RAB38: variants seen among roughly 807,000 people sequenced by gnomAD.
RAB38 encodes the protein RAB38, member RAS oncogene family.
In RAB38, 15 loss-of-function variants were observed where a neutral mutation model predicts 18.4. The observed-to-expected ratio is 0.82, with a 90% CI of 0.55 to 1.26. The LOEUF is 1.26. RAB38 is among the 50% of genes most tolerant of loss of function. The pLI is 0.00. For missense variants in RAB38, 294 were observed against 267.4 expected, an observed-to-expected ratio of 1.10 and a Z score of -0.69; for synonymous variants, 101 against 104.4, an observed-to-expected ratio of 0.97 and a Z score of 0.20.
chr11:88,119,762 A>G (rs1167421763), intron 2 of RAB38, among the ~76,000 whole-genome samples: 1 of 152,100 alleles, frequency 6.6e-6, no homozygotes, highest in Non-Finnish European at 1.5e-5. Context: ...TTCCAAATAC[A>G]TCAACCTCAA....
the RAB38 span, among the ~76,000 whole-genome samples, chr11:87,968,523 ATAG>A: frequency 6.6e-6 from 1 of 152,160 alleles, no homozygotes; most frequent in African/African-American, 2.4e-5. Flanking sequence ...GAACACAGAA[ATAG>A]TGGTGGTGAG....
chr11:88,054,767 G>C, the RAB38 span, among the ~76,000 whole-genome samples: 1 of 152,300 alleles, frequency 6.6e-6, no homozygotes, highest in Admixed American at 6.5e-5. Context: ...TCACATTTGA[G>C]GTGGGAACAG....
the RAB38 span, among the ~76,000 whole-genome samples, chr11:87,901,125 T>C: frequency 1.3e-5 from 2 of 151,558 alleles, no homozygotes; most frequent in Non-Finnish European, 3.0e-5. Flanking sequence ...ATGGAAGTGA[T>C]GTTAAAATTA....
At chr11:87,951,356 G>A in the RAB38 span, among the ~76,000 whole-genome samples, 14 of 152,048 alleles carry the variant, frequency 9.2e-5, 1 homozygote, top group East Asian at 1.9e-4. Flanking sequence ...CCTGTAGCTC[G>A]GAGTAGTTTG....
the RAB38 span, among the ~76,000 whole-genome samples, chr11:87,913,137 T>G: frequency 6.6e-6 from 1 of 152,092 alleles, no homozygotes; most frequent in East Asian, 1.9e-4. Context: ...ATGTTTCATG[T>G]GTACTTGAAA....
chr11:87,977,639 T>A, the RAB38 span, among the ~76,000 whole-genome samples: 2 of 118,336 alleles, frequency 1.7e-5, no homozygotes, highest in Non-Finnish European at 3.2e-5. Flanking sequence ...TATTATATAA[T>A]TATATAAATT....
At chr11:87,912,913 T>C in the RAB38 span, among the ~76,000 whole-genome samples, 2 of 151,782 alleles carry the variant, frequency 1.3e-5, no homozygotes, top group East Asian at 3.9e-4. Flanking sequence ...CTGGGATACA[T>C]GTAGGCACAT....
At chr11:87,865,741 T>C in the RAB38 span, among the ~76,000 whole-genome samples, 1 of 151,522 alleles carries the variant, frequency 6.6e-6, no homozygotes, top group South Asian at 2.1e-4. Flanking sequence ...AAGAGAGAGA[T>C]TGAGAAATTG....
the RAB38 span, among the ~76,000 whole-genome samples, chr11:87,859,533 C>A: frequency 5.9e-5 from 9 of 151,998 alleles, no homozygotes; most frequent in South Asian, 1.9e-3. Context: ...GCGCAATTTG[C>A]CAATATATAT....
the RAB38 span, among the ~76,000 whole-genome samples, chr11:87,807,798 G>C: frequency 6.6e-6 from 1 of 152,196 alleles, no homozygotes; most frequent in African/African-American, 2.4e-5. Flanking sequence ...TGTTATCTCT[G>C]AGGAGAGTAG....
At chr11:87,864,878 C>T in the RAB38 span, among the ~76,000 whole-genome samples, 1 of 151,766 alleles carries the variant, frequency 6.6e-6, no homozygotes, top group Non-Finnish European at 1.5e-5. Flanking sequence ...TTGCTCATCA[C>T]CTAAACAAAC....
the RAB38 span, among the ~76,000 whole-genome samples, chr11:87,941,944 T>C: frequency 2.0e-5 from 3 of 152,170 alleles, no homozygotes; most frequent in Non-Finnish European, 2.9e-5. Context: ...GAGTGCCTCA[T>C]TACCCCTGCC....
chr11:88,003,961 CTATA>C, the RAB38 span, among the ~76,000 whole-genome samples: 1 of 105,450 alleles, frequency 9.5e-6, no homozygotes, highest in African/African-American at 3.7e-5. Context: ...ATATATATAC[CTATA>C]TATAAAGGTA....
chr11:88,044,577 C>G, the RAB38 span, among the ~76,000 whole-genome samples: 335 of 152,300 alleles, frequency 2.2e-3, no homozygotes, highest in Non-Finnish European at 3.4e-3. Flanking sequence ...GAAAATGCCA[C>G]TTTCAATTTT....
chr11:88,061,607 G>C, the RAB38 span: 4 of 152,082 alleles, frequency 2.6e-5, no homozygotes, highest in African/African-American at 9.7e-5. Context: ...TGAGGCAATG[G>C]AAAGAAATTT....
chr11:88,053,804 T>A, the RAB38 span, among the ~76,000 whole-genome samples: 2 of 151,898 alleles, frequency 1.3e-5, no homozygotes, highest in African/African-American at 2.4e-5. Context: ...TTTTTTTTTT[T>A]TTATTTTTTC....
At chr11:87,949,034 T>G in the RAB38 span, among the ~76,000 whole-genome samples, 14,241 of 152,122 alleles carry the variant, frequency 0.094, 1,072 homozygotes, top group African/African-American at 0.2. Context: ...TTTTTTTGGT[T>G]GGTAAGCTAT....
At chr11:88,171,958 G>A (rs1943316249) in intron 1 of RAB38, among the ~76,000 whole-genome samples, 2 of 152,200 alleles carry the variant, frequency 1.3e-5, no homozygotes. Flanking sequence ...TGAATGCACA[G>A]TGGTACTTAA....
Position 88,149,689 on chromosome 11 carries a change from CAAACCA to C in RAB38, c.463_468del (p.Trp155_Phe156del). 1.2e-6 allele frequency: 2 copies of C among 1,610,290 alleles called. No homozygotes were observed. The highest frequency in any genetic ancestry group is 8.5e-7 in the Non-Finnish European group (1 of 1,176,914). The stretch of plus-strand genomic sequence containing the variant: ...AGTCACATTACCTTTGCTGATGTTT[CAAACCA>C]TCCTACGAAACCGTGCTCCTTGCAG... On this transcript the variant is annotated inframe_deletion, in exon 2 of 3. Coordinates refer to ENST00000243662, the MANE Select transcript of RAB38 (RefSeq NM_022337.3).
Sources: gnomAD v4.1 joint callset for allele counts (sites outside exome capture counted in the v4.1 genomes callset) on GRCh38, gnomAD v4.1.1 for gene constraint, MANE v1.5 for transcripts, NCBI Gene and HGNC (gene_info 2026-07-23, HGNC 2026-07-21) for gene names.